Variants in RGS3 observed in about 807,000 individuals in gnomAD.
RGS3 encodes regulator of G-protein signalling 3.
RGS3 carries 80 observed loss-of-function variants against 132.6 expected under a neutral mutation model. That is an observed-to-expected ratio of 0.60 (90% CI 0.50 to 0.73). The LOEUF (loss-of-function observed/expected upper bound fraction) is 0.73, where lower values mean the gene tolerates loss of function less well. Ranked by LOEUF, RGS3 falls within the 30% of genes least tolerant of loss-of-function variation. The probability of loss-of-function intolerance (pLI) is 0.00; values close to 1 mark genes in which losing one functional copy is unlikely to be tolerated. For missense variants in RGS3, 1,382 were observed against 1,530.8 expected (o/e 0.90, Z 1.62); for synonymous variants, 598 against 620.6 (o/e 0.96, Z 0.54).
chr9:113,510,363 A>G (rs1043378533), intron 14 of RGS3, among the ~76,000 whole-genome samples: 7 of 152,250 alleles, frequency 4.6e-5, no homozygotes, highest in African/African-American at 1.7e-4. Flanking sequence ...GCTGCAGCTA[A>G]GTAGGGACTT....
exon 3 of RGS3, chr9:113,462,150 C>A: frequency 6.2e-7 from 1 of 1,614,128 alleles, no homozygotes; most frequent in South Asian, 1.1e-5. Flanking sequence ...TGAGTGGACT[C>A]AAACTTCTCC....
Position 113,463,703 on chromosome 9 carries a change from T to A in RGS3, c.415+1502T>A. The A allele has an allele frequency of 1.4e-6, 2 of 1,420,200 alleles. No individual in the cohort carries two copies. Among genetic ancestry groups the A allele is most frequent in the Non-Finnish European group, 1.8e-6 (2 of 1,084,938 alleles). The allele number at this position is 1,420,200 out of a possible 1,614,324, so 88.0% of individuals were successfully genotyped here. ...TTCCAACGCTTGGGGCAGCCCTACC[T>A]CCCGCTCGCGCTCCTCCCGCCCTGG... On this transcript the variant is annotated intron_variant, in intron 3 of 24. Transcript: ENST00000350696. The surrounding 1 kb of genome is among the most constrained non-coding windows in gnomAD (Gnocchi z 4.6).
At chr9:113,531,762 A>G (rs1412188526) in intron 18 of RGS3, among the ~76,000 whole-genome samples, 2 of 152,362 alleles carry the variant, frequency 1.3e-5, no homozygotes, top group African/African-American at 4.8e-5. Flanking sequence ...TCCTGGGGCC[A>G]GTGACATAAC....
At chr9:113,520,746 C>T (rs971112005) in intron 16 of RGS3, among the ~76,000 whole-genome samples, 2 of 151,998 alleles carry the variant, frequency 1.3e-5, no homozygotes, top group African/African-American at 4.8e-5. Context: ...ACTTTGAAGT[C>T]TTCTCAGACA....
At chr9:113,472,033 C>T (rs184989224) in intron 3 of RGS3, among the ~76,000 whole-genome samples, 13 of 152,196 alleles carry the variant, frequency 8.5e-5, no homozygotes, top group Admixed American at 7.9e-4. Flanking sequence ...TGCTCAATGT[C>T]ATTAGTTATC....
At position 113,480,027 on chromosome 9, in the gene RGS3, G is replaced by A. The variant is rs181183762; in HGVS notation, c.466+486G>A. On this transcript the variant is annotated intron_variant, in intron 4 of 24. Coordinates refer to ENST00000350696, the Ensembl canonical transcript of RGS3. ...TGTTGAGTGGCCTTGAACAAGCTCC[G>A]TTTTCTCATCTGTCAAGTAGTGGTG... Among the ~76,000 whole-genome samples, 207 of 152,206 alleles carry A rather than the reference G, an allele frequency of 1.4e-3. 1 individual carries two copies. Among genetic ancestry groups the A allele is most frequent in the Middle Eastern group, 6.8e-3 (2 of 294 alleles).
intron 19 of RGS3, among the ~76,000 whole-genome samples, chr9:113,544,076 G>A (rs545446390): frequency 2.0e-5 from 3 of 152,282 alleles, no homozygotes; most frequent in East Asian, 1.9e-4. Flanking sequence ...CTATAATCAC[G>A]GGAAGCATTG....
intron 21 of RGS3, chr9:113,593,135 G>A (rs4979261): frequency 0.57 from 87,263 of 151,918 alleles, 25,801 homozygotes; most frequent in East Asian, 0.82. Context: ...ACGTGTCAAA[G>A]GGCACACAGC....
At chr9:113,464,151 G>T (rs1353141709) in intron 3 of RGS3, among the ~76,000 whole-genome samples, 1 of 152,262 alleles carries the variant, frequency 6.6e-6, no homozygotes, top group African/African-American at 2.4e-5. Flanking sequence ...TCACGCTCTG[G>T]TTAATCTTTC....
At chr9:113,453,145 G>T (rs1829294121) in intron 1 of RGS3, among the ~76,000 whole-genome samples, 2 of 118,610 alleles carry the variant, frequency 1.7e-5, no homozygotes, top group East Asian at 2.3e-4. Flanking sequence ...ATACTCATAT[G>T]ATTATATAAT....
chr9:113,499,631 A>G (rs1047967228), intron 10 of RGS3, among the ~76,000 whole-genome samples: 6 of 152,188 alleles, frequency 3.9e-5, no homozygotes, highest in Non-Finnish European at 5.9e-5. Context: ...ATTTCCACCT[A>G]TGTAGGCTGG....
chr9:113,495,394 G>A (rs1830648583), intron 7 of RGS3, among the ~76,000 whole-genome samples: 1 of 152,180 alleles, frequency 6.6e-6, no homozygotes, highest in African/African-American at 2.4e-5. Context: ...TGAGCTTGAG[G>A]TCCCATAACT....
At chr9:113,468,371 C>T (rs1361488149) in intron 3 of RGS3, among the ~76,000 whole-genome samples, 1 of 152,264 alleles carries the variant, frequency 6.6e-6, no homozygotes, top group African/African-American at 2.4e-5. Context: ...AAACCCACGG[C>T]TTATTTCTAG....
intron 19 of RGS3, among the ~76,000 whole-genome samples, chr9:113,566,914 A>G (rs1317934812): frequency 6.6e-6 from 1 of 152,242 alleles, no homozygotes; most frequent in African/African-American, 2.4e-5. Context: ...CTCTGTGCCC[A>G]GCCAAGGGGC....
exon 20 of RGS3, chr9:113,584,402 C>G (rs1268346185): frequency 1.3e-6 from 2 of 1,524,942 alleles, no homozygotes; most frequent in Non-Finnish European, 1.7e-6. Context: ...CACCACCTTT[C>G]CCTCTTCTTC....
At chr9:113,533,375 T>G (rs1832555321) in intron 18 of RGS3, among the ~76,000 whole-genome samples, 1 of 151,756 alleles carries the variant, frequency 6.6e-6, no homozygotes, top group Admixed American at 6.6e-5. Flanking sequence ...GGATTACAGG[T>G]GCACACCACC....
intron 4 of RGS3, among the ~76,000 whole-genome samples, chr9:113,482,105 A>C (rs1830182924): frequency 6.6e-6 from 1 of 152,088 alleles, no homozygotes; most frequent in African/African-American, 2.4e-5. Context: ...CAGACGTAAA[A>C]GAAAATAGAA....
intron 3 of RGS3, 134 bp from the exon 2 acceptor site, chr9:113,479,357 C>G: frequency 1.1e-6 from 1 of 910,726 alleles, no homozygotes; most frequent in Non-Finnish European, 1.8e-6. Flanking sequence ...AGGTCCCTGC[C>G]AGCCAGAGAC....
At chr9:113,564,816 G>C in intron 19 of RGS3, 1 of 501,406 alleles carries the variant, frequency 2.0e-6, no homozygotes, top group Non-Finnish European at 2.6e-6. Flanking sequence ...CCCCCACCCT[G>C]GGGGCAGTCG....
Sources: allele counts gnomAD v4.1 joint callset (sites outside exome capture counted in the v4.1 genomes callset), GRCh38; gene constraint gnomAD v4.1.1; non-coding constraint Gnocchi (gnomAD v3.1); transcripts MANE v1.5; gene names NCBI Gene and HGNC (gene_info 2026-07-23, HGNC 2026-07-21).